Variants in ENKUR observed in about 807,000 individuals in gnomAD.
ENKUR encodes the protein enkurin, TRPC channel interacting protein.
In ENKUR, 19 loss-of-function variants were observed where a neutral mutation model predicts 27.6. The ratio of observed to expected loss-of-function variants is 0.69; its 90% CI spans 0.48 to 1.01. ENKUR has a LOEUF of 1.01. Among genes scored for constraint, ENKUR ranks in the 50% least tolerant of loss-of-function variants. The pLI, the probability that ENKUR is intolerant of heterozygous loss-of-function variation, is 0.00. For missense variants in ENKUR, 312 were observed against 310.5 expected (o/e 1.00, Z -0.04); for synonymous variants, 117 against 96.9 (o/e 1.21, Z -1.22).
At chr10:25,024,798 C>A (rs1850810250) in intron 2 of ENKUR, 16 of 1,614,154 alleles carry the variant, frequency 9.9e-6, no homozygotes, top group Non-Finnish European at 1.3e-5. Flanking sequence ...TGATGGGAAT[C>A]CCGATTCGAA....
At chr10:25,025,461 T>A in intron 2 of ENKUR, 1 of 1,587,360 alleles carries the variant, frequency 6.3e-7, no homozygotes, top group Non-Finnish European at 8.5e-7. Flanking sequence ...TATGAAAGCT[T>A]TCAGAGTAAA....
At chr10:25,047,779 G>T in intron 2 of ENKUR, among the ~76,000 whole-genome samples, 1 of 151,932 alleles carries the variant, frequency 6.6e-6, no homozygotes, top group African/African-American at 2.4e-5. Context: ...GTCTTTTTTA[G>T]CACCTCAGAA....
chr10:25,007,649 T>C (rs972604697), intron 1 of ENKUR, among the ~76,000 whole-genome samples: 2 of 152,148 alleles, frequency 1.3e-5, no homozygotes, highest in African/African-American at 4.8e-5. Context: ...TTAGCCAGGA[T>C]GTTCTCGATC....
intron 3 of ENKUR, among the ~76,000 whole-genome samples, chr10:24,992,938 C>T (rs538087413): frequency 6.6e-6 from 1 of 152,284 alleles, no homozygotes; most frequent in African/African-American, 2.4e-5. Flanking sequence ...AATAATGGAG[C>T]TTCATCATGA....
intron 4 of ENKUR, among the ~76,000 whole-genome samples, chr10:24,989,634 C>T (rs1430188751): frequency 4.6e-5 from 7 of 152,144 alleles, no homozygotes; most frequent in African/African-American, 1.4e-4. Context: ...CAGGGTTTAG[C>T]ATTTAAGAAA....
At chr10:25,033,708 A>G (rs1850962000) in intron 2 of ENKUR, among the ~76,000 whole-genome samples, 1 of 151,776 alleles carries the variant, frequency 6.6e-6, no homozygotes, top group African/African-American at 2.4e-5. Context: ...TTTTTGAAAA[A>G]TCAAGAAAAA....
intron 2 of ENKUR, among the ~76,000 whole-genome samples, chr10:25,042,741 C>T (rs1272419937): frequency 2.0e-5 from 3 of 151,614 alleles, no homozygotes; most frequent in Non-Finnish European, 4.4e-5. Flanking sequence ...ATAATCCCAG[C>T]GTTTTGGGAA....
intron 2 of ENKUR, among the ~76,000 whole-genome samples, chr10:25,032,730 T>G (rs1418392811): frequency 1.3e-5 from 2 of 152,184 alleles, no homozygotes; most frequent in African/African-American, 4.8e-5. Context: ...GTAATTTATG[T>G]GTTTTCTGGC....
intron 1 of ENKUR, among the ~76,000 whole-genome samples, chr10:25,013,757 C>G (rs574072810): frequency 1.3e-5 from 2 of 151,884 alleles, no homozygotes; most frequent in African/African-American, 4.8e-5. Flanking sequence ...AGCCTGGCCA[C>G]CATGGTGAAA....
rs757460349 is a variant in ENKUR, at chr10:25,015,916, A to T, written c.21T>A (p.Ser7=). MDPTCS[S]ECIYNLIPSD... is the part of the protein sequence containing the mutation. ...TGGGTATGAGGTTATAAATGCACTC[A>T]GAAGAGCACGTTGGATCCATGGCCA... Residue 7 remains serine (S), a synonymous_variant, in exon 1 of 6, where the codon TCT becomes TCA. Coordinates refer to ENST00000331161, the MANE Select transcript of ENKUR (RefSeq NM_145010.4). The T allele has an allele frequency of 6.2e-7, 1 of 1,608,654 alleles. No homozygotes were observed. The highest frequency in any genetic ancestry group is 1.3e-5 in the African/African-American group (1 of 75,002).
chr10:25,031,417 C>T (rs994548781), intron 2 of ENKUR, among the ~76,000 whole-genome samples: 1 of 152,132 alleles, frequency 6.6e-6, no homozygotes, highest in African/African-American at 2.4e-5. Flanking sequence ...GAAAGGACAT[C>T]TTGGAATATT....
chr10:25,017,909 A>G (rs1284225400), upstream of ENKUR, among the ~76,000 whole-genome samples: 2 of 152,214 alleles, frequency 1.3e-5, no homozygotes, highest in East Asian at 1.9e-4. Context: ...TGATAACGCC[A>G]TTAGCCAAGT....
intron 3 of ENKUR, among the ~76,000 whole-genome samples, chr10:24,991,445 G>A (rs943852722): frequency 1.3e-5 from 2 of 150,548 alleles, no homozygotes; most frequent in South Asian, 2.1e-4. Context: ...ATGGCTGGAC[G>A]TCGAGAGGAA....
intron 2 of ENKUR, among the ~76,000 whole-genome samples, chr10:24,998,502 G>C (rs960990998): frequency 1.3e-5 from 2 of 151,944 alleles, no homozygotes; most frequent in African/African-American, 4.8e-5. Context: ...AGCCTCCAGA[G>C]TAGTGAAGAC....
At position 25,034,505 on chromosome 10, in the gene ENKUR, A is replaced by C. The variant is rs574557059; in HGVS notation, c.37+26607T>G. Among the ~76,000 whole-genome samples, 422 of 152,298 alleles carry C rather than the reference A, an allele frequency of 2.8e-3. 2 individuals are homozygous for C. Among genetic ancestry groups the C allele is most frequent in the African/African-American group, 1.0e-2 (415 of 41,570 alleles). Reference sequence around the variant, plus strand: ...TTTAAGATTATCTATATTTGTTTTAAATGTTATAAAGCTCAAGTAGCAGAA... The same window carrying C: ...TTTAAGATTATCTATATTTGTTTTACATGTTATAAAGCTCAAGTAGCAGAA... On this transcript the variant is annotated intron_variant, in intron 2 of 5. Coordinates refer to the ENKUR transcript ENST00000615958.
chr10:24,985,022 T>C (rs1324588760), intron 4 of ENKUR, 117 bp from the exon 5 acceptor site: 2 of 826,002 alleles, frequency 2.4e-6, no homozygotes, highest in East Asian at 2.6e-5. Context: ...CAAAAATAAC[T>C]TCTAAAATGA....
chr10:25,037,610 C>T, intron 2 of ENKUR, among the ~76,000 whole-genome samples: 1 of 152,140 alleles, frequency 6.6e-6, no homozygotes, highest in East Asian at 1.9e-4. Context: ...AGAACTTTTA[C>T]CTCCAAACAT....
intron 3 of ENKUR, among the ~76,000 whole-genome samples, chr10:24,993,298 C>T (rs1404229354): frequency 1.3e-5 from 2 of 152,172 alleles, no homozygotes; most frequent in African/African-American, 4.8e-5. Context: ...ATACTATTCA[C>T]TCTTTGTTCT....
At chr10:25,007,261 C>T (rs1850332414) in intron 1 of ENKUR, among the ~76,000 whole-genome samples, 1 of 152,150 alleles carries the variant, frequency 6.6e-6, no homozygotes, top group South Asian at 2.1e-4. Flanking sequence ...AAAAATGAGT[C>T]TAACGTTCAC....
Sources: allele counts gnomAD v4.1 joint callset (sites outside exome capture counted in the v4.1 genomes callset), GRCh38; gene constraint gnomAD v4.1.1; transcripts MANE v1.5; gene names NCBI Gene and HGNC (gene_info 2026-07-23, HGNC 2026-07-21).